The following PDE6C variants were observed in gnomAD, a reference collection of about 807,000 sequenced individuals.
The protein encoded by PDE6C is cone cGMP-specific 3',5'-cyclic phosphodiesterase subunit alpha'.
PDE6C carries 75 observed loss-of-function variants against 113.1 expected under a neutral mutation model. That is an observed-to-expected ratio of 0.66 (90% CI 0.55 to 0.80). The LOEUF (loss-of-function observed/expected upper bound fraction) is 0.80. Among genes scored for constraint, PDE6C ranks in the 30% least tolerant of loss-of-function variants. The pLI is 0.00. For missense variants in PDE6C, 912 were observed against 1,038.6 expected (o/e 0.88, Z 1.67); for synonymous variants, 375 against 363.7 (o/e 1.03, Z -0.35).
At chr10:93,653,549 C>A (rs112757030) in intron 15 of PDE6C, among the ~76,000 whole-genome samples, 7,290 of 151,934 alleles carry the variant, frequency 0.048, 594 homozygotes, top group African/African-American at 0.17. Flanking sequence ...GAGGCTGAGG[C>A]AGGAGAATCG....
chr10:93,626,286 A>G (rs1276469192), intron 5 of PDE6C, among the ~76,000 whole-genome samples: 3 of 152,230 alleles, frequency 2.0e-5, no homozygotes, highest in African/African-American at 4.8e-5. Flanking sequence ...TAGTGAAGTT[A>G]TTAATGTCAG....
At chr10:93,647,484 G>A (rs534749016) in intron 15 of PDE6C, among the ~76,000 whole-genome samples, 3 of 152,284 alleles carry the variant, frequency 2.0e-5, no homozygotes, top group East Asian at 1.9e-4. Flanking sequence ...AACTGCTTGC[G>A]TTGTTTTAAC....
At chr10:93,645,651 T>G (rs604489) in intron 14 of PDE6C, among the ~76,000 whole-genome samples, 1 of 152,070 alleles carries the variant, frequency 6.6e-6, no homozygotes, top group African/African-American at 2.4e-5. Context: ...GTTTGCTATA[T>G]GTTTTATAAG....
At chr10:93,625,032 A>G (rs2058467042) in intron 4 of PDE6C, among the ~76,000 whole-genome samples, 1 of 152,148 alleles carries the variant, frequency 6.6e-6, no homozygotes, top group Non-Finnish European at 1.5e-5. Context: ...CCCTTCTTCA[A>G]TGTCCAGATC....
intron 1 of PDE6C, among the ~76,000 whole-genome samples, chr10:93,618,056 T>A (rs944669272): frequency 6.6e-6 from 1 of 152,078 alleles, no homozygotes; most frequent in African/African-American, 2.4e-5. Context: ...TGGTTCTTGG[T>A]GGCATGAGTG....
At chr10:93,635,716 G>T (rs568067326) in intron 10 of PDE6C, 76 bp downstream of exon 10, 5 of 1,480,350 alleles carry the variant, frequency 3.4e-6, no homozygotes, top group East Asian at 4.6e-5. Context: ...AATTACCCAG[G>T]GGTCTGACAA....
chr10:93,623,664 C>CT (rs1463174561), intron 4 of PDE6C, among the ~76,000 whole-genome samples: 1 of 152,168 alleles, frequency 6.6e-6, no homozygotes, highest in Non-Finnish European at 1.5e-5. Context: ...TCTAGATTCA[C>CT]TTTTTTTACA....
chr10:93,651,548 C>T (rs1190090236), intron 15 of PDE6C, among the ~76,000 whole-genome samples: 1 of 152,144 alleles, frequency 6.6e-6, no homozygotes, highest in African/African-American at 2.4e-5. Flanking sequence ...GAGAACTGCC[C>T]CCATGATTGA....
chr10:93,619,803 T>A (rs2058436896), intron 1 of PDE6C, among the ~76,000 whole-genome samples: 1 of 152,224 alleles, frequency 6.6e-6, no homozygotes, highest in Non-Finnish European at 1.5e-5. Context: ...AAAAGGGATT[T>A]CCTTTTTTGG....
At chr10:93,659,360 A>G (rs2058655592) in intron 18 of PDE6C, among the ~76,000 whole-genome samples, 193 bp downstream of exon 18, 1 of 152,206 alleles carries the variant, frequency 6.6e-6, no homozygotes, top group Admixed American at 6.5e-5. Flanking sequence ...TTCTTTCTTG[A>G]AAGAATTCTT....
chr10:93,635,424 C>T (rs1024826166), intron 9 of PDE6C, 73 bp from the exon 10 acceptor site: 23 of 1,131,374 alleles, frequency 2.0e-5, no homozygotes, highest in Admixed American at 5.1e-5. Flanking sequence ...GATAGAAAAG[C>T]GTGCAGATTG....
chr10:93,637,092 C>T (rs1325755903), intron 11 of PDE6C, 29 bp downstream of exon 11: 2 of 1,161,676 alleles, frequency 1.7e-6, no homozygotes, highest in Admixed American at 1.7e-5. Context: ...ACCTTAATGC[C>T]TGTTAAATAG....
In PDE6C at chr10:93,664,126, C is replaced by T. The variant is rs3781272; in HGVS notation, c.2518+948C>T. Among the ~76,000 whole-genome samples, 40 of 152,240 alleles carry T rather than the reference C, an allele frequency of 2.6e-4. No homozygotes were observed. In the East Asian group the frequency reaches 6.4e-3, roughly 24 times the overall value. On this transcript the variant is annotated intron_variant, in intron 21 of 21. Transcript: ENST00000371447. The stretch of plus-strand genomic sequence containing the variant: ...TCAGATGTCTTCTCTGTATAAAGCC[C>T]GGTGTTAGGCAGGCCCTGGGGAAAG...
chr10:93,614,580 C>G (rs1350920998), intron 1 of PDE6C, among the ~76,000 whole-genome samples: 1 of 152,128 alleles, frequency 6.6e-6, no homozygotes, highest in Admixed American at 6.5e-5. Context: ...CTTGAGGGTC[C>G]CCAACTGAGC....
At chr10:93,641,359 A>G in intron 14 of PDE6C, among the ~76,000 whole-genome samples, 1 of 152,166 alleles carries the variant, frequency 6.6e-6, no homozygotes, top group Non-Finnish European at 1.5e-5. Flanking sequence ...CTGGCTGGGC[A>G]CAGTGGCTCG....
At chr10:93,621,553 A>G (rs897346065) in intron 3 of PDE6C, among the ~76,000 whole-genome samples, 1 of 152,152 alleles carries the variant, frequency 6.6e-6, no homozygotes, top group Non-Finnish European at 1.5e-5. Flanking sequence ...CTCAGGATGC[A>G]TGGAAGGAGG....
intron 15 of PDE6C, among the ~76,000 whole-genome samples, chr10:93,654,811 T>TTCTTTC (rs1554891607): frequency 1.5e-5 from 1 of 68,212 alleles, no homozygotes; most frequent in Non-Finnish European, 3.6e-5. Flanking sequence ...TCTTTCTTTC[T>TTCTTTC]TTTTTTTTTT....
chr10:93,635,459 C>T (rs372433428), intron 9 of PDE6C, 38 bp from the exon 10 acceptor site: 94 of 1,586,866 alleles, frequency 5.9e-5, no homozygotes, highest in Non-Finnish European at 7.8e-5. Flanking sequence ...ATTTTTCTTT[C>T]ACTGAAGAGA....
At chr10:93,620,533 G>T in intron 1 of PDE6C, 99 bp from the exon 2 acceptor site, 1 of 1,229,484 alleles carries the variant, frequency 8.1e-7, no homozygotes, top group Non-Finnish European at 1.2e-6. Context: ...GTTATCTGTT[G>T]GTAGCATTTA....
Sources: allele counts gnomAD v4.1 joint callset (sites outside exome capture counted in the v4.1 genomes callset), GRCh38; gene constraint gnomAD v4.1.1; transcripts MANE v1.5; gene names NCBI Gene and HGNC (gene_info 2026-07-23, HGNC 2026-07-21).